Variants in KCNIP4 observed in about 807,000 individuals in gnomAD.
KCNIP4 encodes the protein potassium voltage-gated channel interacting protein 4, also known as Kv channel-interacting protein 4.
A neutral mutation model predicts 34.0 loss-of-function variants in KCNIP4; 12 were observed. That is an observed-to-expected ratio of 0.35 (90% CI 0.23 to 0.57). KCNIP4 has a LOEUF of 0.57. Among genes scored for constraint, KCNIP4 ranks in the 20% least tolerant of loss-of-function variants. The probability of loss-of-function intolerance (pLI) is 0.83; values close to 1 mark genes in which losing one functional copy is unlikely to be tolerated. For missense variants in KCNIP4, 238 were observed against 311.7 expected (o/e 0.76, Z 1.78); for synonymous variants, 124 against 102.2 (o/e 1.21, Z -1.29).
At chr4:21,564,012 A>G (rs1029606710) in intron 1 of KCNIP4, among the ~76,000 whole-genome samples, 3 of 152,030 alleles carry the variant, frequency 2.0e-5, no homozygotes, top group African/African-American at 7.2e-5. Context: ...TATCTAAGAC[A>G]TTGTTTTTAT....
At chr4:21,182,051 T>C (rs1754880580) in intron 1 of KCNIP4, among the ~76,000 whole-genome samples, 1 of 152,152 alleles carries the variant, frequency 6.6e-6, no homozygotes, top group Admixed American at 6.6e-5. Context: ...ATAGCTTCAC[T>C]GATATTGGAT....
intron 1 of KCNIP4, among the ~76,000 whole-genome samples, chr4:21,093,713 G>A (rs1747201357): frequency 6.6e-6 from 1 of 152,090 alleles, no homozygotes; most frequent in African/African-American, 2.4e-5. Flanking sequence ...ATAACCATTA[G>A]CTATAAAAAT....
intron 1 of KCNIP4, among the ~76,000 whole-genome samples, chr4:21,107,762 G>T (rs1748715987): frequency 6.6e-6 from 1 of 151,462 alleles, no homozygotes; most frequent in African/African-American, 2.5e-5. Flanking sequence ...CATGTTTAGT[G>T]CTTCCTTCAG....
intron 1 of KCNIP4, among the ~76,000 whole-genome samples, chr4:21,670,997 T>C (rs552255277): frequency 7.2e-5 from 11 of 151,978 alleles, no homozygotes; most frequent in African/African-American, 2.7e-4. Flanking sequence ...ACTTGTTATG[T>C]TTTCCACTGG....
At chr4:20,790,456 A>G (rs1712590295) in intron 3 of KCNIP4, among the ~76,000 whole-genome samples, 1 of 152,230 alleles carries the variant, frequency 6.6e-6, no homozygotes, top group African/African-American at 2.4e-5. Context: ...TTAATTTTTA[A>G]AAGCATTTAA....
intron 1 of KCNIP4, among the ~76,000 whole-genome samples, chr4:21,726,039 T>A (rs1331194874): frequency 6.6e-6 from 1 of 152,166 alleles, no homozygotes; most frequent in East Asian, 1.9e-4. Context: ...GAGGTATACA[T>A]ATGGAAATAG....
At chr4:21,655,593 T>C (rs1409748925) in intron 1 of KCNIP4, among the ~76,000 whole-genome samples, 1 of 152,228 alleles carries the variant, frequency 6.6e-6, no homozygotes, top group African/African-American at 2.4e-5. Context: ...GGGAAGTTGA[T>C]GAGAATATTG....
intron 1 of KCNIP4, among the ~76,000 whole-genome samples, chr4:21,589,156 G>T (rs1406504136): frequency 4.2e-5 from 3 of 71,244 alleles, no homozygotes; most frequent in Non-Finnish European, 5.5e-5. Flanking sequence ...ATGGAGGTGT[G>T]TATATATATA....
chr4:21,097,652 G>A (rs139755144), intron 1 of KCNIP4, among the ~76,000 whole-genome samples: 2,840 of 152,100 alleles, frequency 0.019, 53 homozygotes, highest in Non-Finnish European at 0.026. Context: ...ATAACATGTT[G>A]AACTTAATAA....
intron 3 of KCNIP4, among the ~76,000 whole-genome samples, chr4:20,848,486 A>AT: frequency 9.8e-6 from 1 of 102,316 alleles, no homozygotes. Flanking sequence ...CATATGGGCA[A>AT]CAAAAAAAAA....
intron 1 of KCNIP4, among the ~76,000 whole-genome samples, chr4:20,929,101 T>C (rs908047715): frequency 6.6e-6 from 1 of 151,952 alleles, no homozygotes; most frequent in Non-Finnish European, 1.5e-5. Context: ...TAGGCCAATA[T>C]CTCTGATGAA....
intron 1 of KCNIP4, among the ~76,000 whole-genome samples, chr4:21,569,401 A>C (rs186819054): frequency 7.9e-5 from 12 of 152,102 alleles, no homozygotes. Flanking sequence ...GTGCTAGTGA[A>C]AGAATTATAA....
At chr4:20,987,172 G>A (rs1200640339) in intron 1 of KCNIP4, among the ~76,000 whole-genome samples, 1 of 152,090 alleles carries the variant, frequency 6.6e-6, no homozygotes, top group Non-Finnish European at 1.5e-5. Context: ...TAGGTGGGAG[G>A]ATAACTTAGG....
chr4:21,318,112 C>G (rs1335430522), intron 1 of KCNIP4, among the ~76,000 whole-genome samples: 1 of 152,196 alleles, frequency 6.6e-6, no homozygotes, highest in Non-Finnish European at 1.5e-5. Flanking sequence ...TTCCAAACCT[C>G]TTCAAATCAC....
intron 1 of KCNIP4, among the ~76,000 whole-genome samples, chr4:21,014,510 T>C (rs58928945): frequency 0.026 from 3,888 of 152,260 alleles, 152 homozygotes; most frequent in African/African-American, 0.087. Flanking sequence ...ACTTAAAGAA[T>C]AACATTCAAA....
At chr4:20,930,652 C>A (rs1301361142) in intron 1 of KCNIP4, among the ~76,000 whole-genome samples, 1 of 151,968 alleles carries the variant, frequency 6.6e-6, no homozygotes, top group Non-Finnish European at 1.5e-5. Flanking sequence ...AGAACACTTA[C>A]AAATGAGTAA....
intron 1 of KCNIP4, among the ~76,000 whole-genome samples, chr4:21,171,765 G>T (rs2109298700): frequency 6.6e-6 from 1 of 152,228 alleles, no homozygotes; most frequent in South Asian, 2.1e-4. Context: ...AATAAATGTA[G>T]TGACATGTGT....
intron 1 of KCNIP4, among the ~76,000 whole-genome samples, chr4:21,109,951 A>C (rs1749009655): frequency 6.6e-6 from 1 of 152,138 alleles, no homozygotes. Context: ...ATTATTGTTC[A>C]TACTCCTATA....
chr4:21,023,021 C>A (rs1740211791), intron 1 of KCNIP4, among the ~76,000 whole-genome samples: 1 of 152,062 alleles, frequency 6.6e-6, no homozygotes, highest in Non-Finnish European at 1.5e-5. Flanking sequence ...CAGGGTTTCA[C>A]CATGTTGGTC....
Sources: allele counts gnomAD v4.1 joint callset (sites outside exome capture counted in the v4.1 genomes callset), GRCh38; gene constraint gnomAD v4.1.1; transcripts MANE v1.5; gene names NCBI Gene and HGNC (gene_info 2026-07-23, HGNC 2026-07-21).